SLCO5A1: variants seen among roughly 807,000 people sequenced by gnomAD.
The protein encoded by SLCO5A1 is solute carrier organic anion transporter family member 5A1, also known as organic anion transporter polypeptide-related protein 4.
SLCO5A1 carries 39 observed loss-of-function variants against 65.1 expected under a neutral mutation model. That is an observed-to-expected ratio of 0.60 (90% confidence interval 0.46 to 0.78). SLCO5A1 has a LOEUF of 0.78. Ranked by LOEUF, SLCO5A1 falls within the 30% of genes least tolerant of loss-of-function variation. The pLI is 0.00. For synonymous variants in SLCO5A1, 438 were observed against 415.7 expected (o/e 1.05, Z -0.65); for missense variants, 1,029 against 1,069.4 (o/e 0.96, Z 0.53).
intron 2 of SLCO5A1, among the ~76,000 whole-genome samples, chr8:69,793,867 T>C (rs543468371): frequency 6.6e-6 from 1 of 152,174 alleles, no homozygotes; most frequent in Admixed American, 6.5e-5. Flanking sequence ...GAGAGAAGAA[T>C]GGCTAAGATT....
intron 2 of SLCO5A1, among the ~76,000 whole-genome samples, chr8:69,776,779 A>G (rs1332094319): frequency 6.6e-6 from 1 of 152,240 alleles, no homozygotes; most frequent in African/African-American, 2.4e-5. Flanking sequence ...CAAAAAAGAT[A>G]CATAAATGGC....
chr8:69,832,109 C>T lies in SLCO5A1; in HGVS notation c.565G>A (p.Gly189Ser). 6.2e-7 allele frequency: 1 copy of T among 1,614,106 alleles called. No homozygotes were observed. Among genetic ancestry groups the T allele is most frequent in the East Asian group, 2.2e-5 (1 of 44,882 alleles). The change falls in exon 2 of 10, where the codon GGC becomes AGC. Residue 189 changes from glycine (G) to serine (S), a missense_variant. Gly to Ser is a moderately conservative substitution (Grantham distance 56, BLOSUM62 0). Transcript: ENST00000260126. This position sits in a 1 kb window ranked among gnomAD's most constrained non-coding sequence, Gnocchi z 4.5. The stretch of plus-strand genomic sequence containing the variant: ...CACAGGGGCCGCCGACCCCGGCCGC[C>T]GAAGTAGCTGACGAACACCACCACC... ...LVVVVFVSYF[G>S]GRGRRPLWLA...
intron 2 of SLCO5A1, among the ~76,000 whole-genome samples, chr8:69,822,197 G>A (rs1020194057): frequency 1.3e-5 from 2 of 152,024 alleles, no homozygotes; most frequent in East Asian, 1.9e-4. Flanking sequence ...TATGTCCTGA[G>A]GCCTGTCCTT....
At chr8:69,738,325 T>C (rs2130843598) in intron 4 of SLCO5A1, 121 bp from the exon 5 acceptor site, 1 of 885,082 alleles carries the variant, frequency 1.1e-6, no homozygotes, top group African/African-American at 1.7e-5. Context: ...CACCAAGGAA[T>C]AAAAATAGAA....
Position 69,732,269 on chromosome 8 carries a change from GAAGT to G in SLCO5A1, c.1423+5767_1423+5770del, listed in dbSNP as rs200578154. ...ACCCCAACCTAATTCTTTTACCGCA[GAAGT>G]AAGTATCTCAATTATTCTACAGTGA... On this transcript the variant is annotated intron_variant, in intron 5 of 9. Transcript: ENST00000260126. Among the ~76,000 whole-genome samples, 1,445 of 152,282 alleles carry G rather than the reference GAAGT, an allele frequency of 9.5e-3. 30 individuals carry two copies. Among genetic ancestry groups the G allele is most frequent in the African/African-American group, 0.033 (1,372 of 41,568 alleles).
At chr8:69,726,088 G>A (rs73283458) in intron 5 of SLCO5A1, among the ~76,000 whole-genome samples, 4,629 of 152,270 alleles carry the variant, frequency 0.03, 246 homozygotes, top group African/African-American at 0.1. Flanking sequence ...CAGTGTGAGC[G>A]TGCACACATG....
At chr8:69,823,554 T>C (rs1322046582) in intron 2 of SLCO5A1, among the ~76,000 whole-genome samples, 2 of 152,086 alleles carry the variant, frequency 1.3e-5, no homozygotes, top group South Asian at 2.1e-4. Flanking sequence ...GGTAAAGGGA[T>C]CAATTCAACA....
chr8:69,706,341 A>C lies in SLCO5A1; in HGVS notation c.1424-1112T>G, dbSNP rs570355610. On this transcript the variant is annotated intron_variant, in intron 5 of 9. Transcript: ENST00000260126. Reference sequence around the variant, plus strand: ...AGTAGAGGGATTCATGGTATAAGGAAGGGATGCAGGAGGTTCCTCTGGTGC... The same window carrying C: ...AGTAGAGGGATTCATGGTATAAGGACGGGATGCAGGAGGTTCCTCTGGTGC... 3.9e-5 allele frequency among the ~76,000 whole-genome samples: 6 copies of C among 152,346 alleles called. No individual in the cohort carries two copies. The East Asian group carries it at 1.2e-3, about 29-fold the overall frequency.
At chr8:69,757,530 T>C (rs1016812681) in intron 3 of SLCO5A1, among the ~76,000 whole-genome samples, 6 of 151,682 alleles carry the variant, frequency 4.0e-5, no homozygotes, top group Non-Finnish European at 5.9e-5. Flanking sequence ...AATACAAAAA[T>C]TAGCCAGGCA....
At chr8:69,747,839 T>C (rs1424047773) in intron 4 of SLCO5A1, among the ~76,000 whole-genome samples, 1 of 152,218 alleles carries the variant, frequency 6.6e-6, no homozygotes. Flanking sequence ...CCTGTGAATC[T>C]TGCATGATCC....
intron 5 of SLCO5A1, among the ~76,000 whole-genome samples, chr8:69,711,395 C>T (rs1460444220): frequency 6.6e-6 from 1 of 152,182 alleles, no homozygotes; most frequent in African/African-American, 2.4e-5. Flanking sequence ...CGAGTTCCTG[C>T]TCCAGCGCCC....
chr8:69,804,504 CGGG>C (rs1179952646), intron 2 of SLCO5A1, among the ~76,000 whole-genome samples: 23 of 151,990 alleles, frequency 1.5e-4, no homozygotes, highest in Non-Finnish European at 3.1e-4. Context: ...TTAGTAGAGG[CGGG>C]GTTTCACCAT....
chr8:69,784,918 GAAAGA>G (rs1818980190), intron 2 of SLCO5A1, among the ~76,000 whole-genome samples: 4 of 116,262 alleles, frequency 3.4e-5, no homozygotes, highest in African/African-American at 1.5e-4. Flanking sequence ...AAGAAAGAAA[GAAAGA>G]AAGAAAGAAA....
At chr8:69,697,830 A>T (rs932427468) in intron 6 of SLCO5A1, among the ~76,000 whole-genome samples, 8 of 152,006 alleles carry the variant, frequency 5.3e-5, no homozygotes, top group South Asian at 2.1e-4. Flanking sequence ...CAGAAAGATA[A>T]TTTTTTTTAT....
intron 5 of SLCO5A1, among the ~76,000 whole-genome samples, chr8:69,730,724 T>C (rs1424081387): frequency 6.6e-6 from 1 of 152,196 alleles, no homozygotes; most frequent in Non-Finnish European, 1.5e-5. Context: ...GCATTGTTTA[T>C]TGACAAAAAT....
In SLCO5A1 at chr8:69,670,512, G is replaced by T. The variant is rs1813299635; in HGVS notation, c.*2357C>A. On this transcript the variant is annotated 3_prime_UTR_variant, in exon 10 of 10. Coordinates refer to ENST00000260126, the MANE Select transcript of SLCO5A1 (RefSeq NM_030958.3). ...ATGAAATACCTGCTATTTATAAGGA[G>T]CAGATACTTGAGGAAGTACAATATT... The T allele has an allele frequency of 6.6e-6, 1 of 152,160 alleles. No homozygotes were observed. Among genetic ancestry groups the T allele is most frequent in the Non-Finnish European group, 1.5e-5 (1 of 68,040 alleles). The allele number at this position is 152,160 out of a possible 1,614,324, so 9.4% of individuals were successfully genotyped here. A position where few individuals can be genotyped will look rare whatever the true frequency, so the allele number is the denominator to read the frequency against.
chr8:69,813,049 T>C (rs112845277), intron 2 of SLCO5A1, among the ~76,000 whole-genome samples: 10 of 152,086 alleles, frequency 6.6e-5, no homozygotes, highest in African/African-American at 2.4e-4. Context: ...GCAAATATCT[T>C]TCCCAAAAAA....
Position 69,672,726 on chromosome 8 carries a change from G to A in SLCO5A1, c.*143C>T, listed in dbSNP as rs1309599274. ...AGGTATCCAGCCCTCAATGAATAGC[G>A]GCTGTGTATACTGAGTTTTGTTGGT... On this transcript the variant is annotated 3_prime_UTR_variant, in exon 10 of 10. Transcript: ENST00000260126. 1 of 845,888 alleles carries A rather than the reference G, an allele frequency of 1.2e-6. No homozygotes were observed. The highest frequency in any genetic ancestry group is 1.8e-6 in the Non-Finnish European group (1 of 562,938). 52.4% of individuals were successfully genotyped at this position (845,888 alleles called of 1,614,324 possible).
intron 2 of SLCO5A1, among the ~76,000 whole-genome samples, chr8:69,809,251 T>C (rs552941757): frequency 2.6e-5 from 4 of 152,276 alleles, no homozygotes; most frequent in Middle Eastern, 3.4e-3. Context: ...AGCTTAAAGG[T>C]TCAAAATTGA....
Sources: gnomAD v4.1 joint callset for allele counts (sites outside exome capture counted in the v4.1 genomes callset) on GRCh38, gnomAD v4.1.1 for gene constraint, Gnocchi (gnomAD v3.1) non-coding constraint, MANE v1.5 for transcripts, NCBI Gene and HGNC (gene_info 2026-07-23, HGNC 2026-07-21) for gene names.